SLC3A1: variants seen among roughly 807,000 people sequenced by gnomAD.
SLC3A1 encodes solute carrier family 3 member 1.
A neutral mutation model predicts 60.3 loss-of-function variants in SLC3A1; 78 were observed. That is an observed-to-expected ratio of 1.29 (90% CI 1.08 to 1.56). SLC3A1 has a LOEUF of 1.56. SLC3A1 is among the 40% of genes most tolerant of loss of function. The pLI, the probability that SLC3A1 is intolerant of heterozygous loss-of-function variation, is 0.00. For synonymous variants in SLC3A1, 392 were observed against 307.9 expected, an observed-to-expected ratio of 1.27 and a Z score of -2.86; for missense variants, 1,172 against 858.9, an observed-to-expected ratio of 1.36 and a Z score of -4.56.
chr2:44,295,674 G>A (rs1202411103), intron 4 of SLC3A1, among the ~76,000 whole-genome samples: 3 of 152,186 alleles, frequency 2.0e-5, no homozygotes, highest in Non-Finnish European at 4.4e-5. Flanking sequence ...TGCGGTACAA[G>A]TTTCTCATGT....
At chr2:44,297,177 T>A (rs1671872665) in intron 4 of SLC3A1, among the ~76,000 whole-genome samples, 2 of 152,312 alleles carry the variant, frequency 1.3e-5, no homozygotes, top group African/African-American at 4.8e-5. Context: ...TGCTCTAAAA[T>A]GATATATACA....
At chr2:44,309,618 G>A (rs569014457) in intron 7 of SLC3A1, among the ~76,000 whole-genome samples, 6 of 152,238 alleles carry the variant, frequency 3.9e-5, no homozygotes, top group Middle Eastern at 3.4e-3. Flanking sequence ...TTTGTTTTTT[G>A]AGATGGAGTC....
chr2:44,316,132 C>G (rs572878033), intron 9 of SLC3A1: 4 of 152,214 alleles, frequency 2.6e-5, no homozygotes, highest in African/African-American at 9.7e-5. Context: ...GACAGGCAAA[C>G]AAGGAAGGTC....
Position 44,299,871 on chromosome 2 carries a change from C to G in SLC3A1, c.892-100C>G. On this transcript the variant is annotated intron_variant, in intron 4 of 9. Coordinates refer to ENST00000260649, the MANE Select transcript of SLC3A1 (RefSeq NM_000341.4). ...CTGTGCTTGTTCTGTATGTAGATAT[C>G]TGTTTTATGATGCCAAGTTGTTAAC... is the stretch of plus-strand genomic sequence containing the variant. 2.5e-6 allele frequency: 3 copies of G among 1,185,666 alleles called. No homozygotes were observed. The South Asian group carries it at 3.7e-5, about 15-fold the overall frequency. 73.4% of individuals were successfully genotyped at this position (1,185,666 alleles called of 1,614,324 possible).
intron 7 of SLC3A1, among the ~76,000 whole-genome samples, chr2:44,306,684 G>C (rs1245300781): frequency 6.6e-6 from 1 of 150,664 alleles, no homozygotes; most frequent in Non-Finnish European, 1.5e-5. Context: ...CTTTAGAGTA[G>C]CTGGGATTAC....
chr2:44,289,528 T>C (rs1291840289), intron 4 of SLC3A1, among the ~76,000 whole-genome samples: 7 of 152,050 alleles, frequency 4.6e-5, no homozygotes, highest in Non-Finnish European at 7.4e-5. Context: ...ATATTCTTGA[T>C]ACATGATTTA....
At chr2:44,312,907 C>T (rs575633003) in intron 8 of SLC3A1, 154 bp downstream of exon 8, 268 of 661,626 alleles carry the variant, frequency 4.1e-4, no homozygotes, top group Middle Eastern at 8.5e-4. Flanking sequence ...TAAGAATTCT[C>T]AGCTTTCTTG....
At chr2:44,295,137 A>T (rs1671821716) in intron 4 of SLC3A1, among the ~76,000 whole-genome samples, 1 of 152,214 alleles carries the variant, frequency 6.6e-6, no homozygotes. Context: ...AATGTCAGCC[A>T]TCTGAAAAGG....
chr2:44,293,473 T>C (rs572042332), intron 4 of SLC3A1, among the ~76,000 whole-genome samples: 8 of 151,698 alleles, frequency 5.3e-5, no homozygotes, highest in African/African-American at 1.5e-4. Flanking sequence ...GCCGAGATCA[T>C]GCCACTGCAC....
At position 44,304,201 on chromosome 2, in the gene SLC3A1, T is replaced by A; in HGVS notation, c.1195T>A (p.Leu399Met). The A allele has an allele frequency of 1.9e-6, 3 of 1,614,146 alleles. No homozygotes were observed. In the South Asian group the frequency reaches 3.3e-5, roughly 18 times the overall value. Residue 399 changes from leucine (L) to methionine (M), a missense_variant, in exon 7 of 10, where the codon TTG becomes ATG. Leu to Met is a conservative substitution (Grantham distance 15). Transcript: ENST00000260649. ...TGACAGGACCGTGATGTACTATGGA[T>A]TGCCATTTATCCAAGAAGCTGATTT... ...SIDRTVMYYG[L>M]PFIQEADFPF...
At chr2:44,282,411 A>C (rs1671521670) in intron 3 of SLC3A1, among the ~76,000 whole-genome samples, 1 of 151,746 alleles carries the variant, frequency 6.6e-6, no homozygotes, top group African/African-American at 2.4e-5. Flanking sequence ...ACCCCATCTT[A>C]TCACTCTCAG....
intron 1 of SLC3A1, among the ~76,000 whole-genome samples, chr2:44,277,925 A>C (rs557656387): frequency 6.6e-6 from 1 of 152,184 alleles, no homozygotes; most frequent in East Asian, 1.9e-4. Context: ...TCCAGCTTTG[A>C]GTCTGGTTTT....
intron 4 of SLC3A1, among the ~76,000 whole-genome samples, chr2:44,292,856 G>C (rs985654518): frequency 6.6e-6 from 1 of 152,080 alleles, no homozygotes; most frequent in Non-Finnish European, 1.5e-5. Flanking sequence ...TAAGGATTTG[G>C]GCTTAAAAGG....
rs186688589 is a variant in SLC3A1 at position 44,299,958 on chromosome 2, T to G, written c.892-13T>G. 4.3e-5 allele frequency: 69 copies of G among 1,613,894 alleles called. 1 individual carries two copies. The African/African-American group carries it at 6.9e-4, about 16-fold the overall frequency. On this transcript the variant is annotated splice_polypyrimidine_tract_variant and intron_variant, in intron 4 of 9. Transcript: ENST00000260649. ...AGTTAATGTAACCAAGCATTTTGCT[T>G]CTTCATCTTTAGGAAATTTTACGGT...
chr2:44,287,561 T>G (rs1671646449), intron 4 of SLC3A1, among the ~76,000 whole-genome samples: 1 of 152,242 alleles, frequency 6.6e-6, no homozygotes, highest in Non-Finnish European at 1.5e-5. Context: ...TACCTGAAAT[T>G]GAAATGTAAT....
intron 7 of SLC3A1, among the ~76,000 whole-genome samples, chr2:44,304,755 C>G (rs1225502011): frequency 1.3e-5 from 2 of 151,096 alleles, no homozygotes; most frequent in African/African-American, 2.4e-5. Context: ...AGCATTTAAA[C>G]TACAGAGATT....
Position 44,320,666 on chromosome 2 carries a change from TG to T in SLC3A1, c.*29del. On this transcript the variant is annotated 3_prime_UTR_variant, in exon 10 of 10. Transcript: ENST00000260649. ...CACCTTTATGAAGAGATGAAGACAC[TG>T]GCATTTCAGTGGGATTGTAAGCATT... is the stretch of plus-strand genomic sequence containing the variant. The T allele has an allele frequency of 1.9e-6, 3 of 1,570,646 alleles. No individual in the cohort carries two copies. Among genetic ancestry groups the T allele is most frequent in the Non-Finnish European group, 2.6e-6 (3 of 1,140,646 alleles).
chr2:44,321,835 G>A (rs1672987934), downstream of SLC3A1: 1 of 1,613,708 alleles, frequency 6.2e-7, no homozygotes, highest in Non-Finnish European at 8.5e-7. Context: ...ACCTTTTTGT[G>A]AGAATCCTCA....
rs1376343708 is a variant in SLC3A1 at position 44,317,516 on chromosome 2, G to A, written c.1618-2683G>A. The A allele has an allele frequency of 2.0e-5, 3 of 151,506 alleles. No homozygotes were observed. The East Asian group carries it at 5.8e-4, about 29-fold the overall frequency. 9.4% of individuals were successfully genotyped at this position (151,506 alleles called of 1,614,324 possible). A position where few individuals can be genotyped will look rare whatever the true frequency, so the allele number is the denominator to read the frequency against. ...ATAGCAACACTTCAAGTGCTCATTA[G>A]CTGCCATATTGGATGGCTCTGATAT... On this transcript the variant is annotated intron_variant, in intron 9 of 9. Transcript: ENST00000260649.
Sources: allele counts gnomAD v4.1 joint callset (sites outside exome capture counted in the v4.1 genomes callset), GRCh38; gene constraint gnomAD v4.1.1; transcripts MANE v1.5; gene names NCBI Gene and HGNC (gene_info 2026-07-23, HGNC 2026-07-21).